ESRRG: variants seen among roughly 807,000 people sequenced by gnomAD.
The protein encoded by ESRRG is estrogen related receptor gamma.
ESRRG carries 13 observed loss-of-function variants against 44.0 expected under a neutral mutation model. The observed-to-expected ratio is 0.30, with a 90% confidence interval of 0.19 to 0.47. The LOEUF is 0.47. Among genes scored for constraint, ESRRG ranks in the 20% least tolerant of loss-of-function variants. The pLI is 1.00. For missense variants in ESRRG, 395 were observed against 580.6 expected, an observed-to-expected ratio of 0.68 and a Z score of 3.29; for synonymous variants, 215 against 214.6, an observed-to-expected ratio of 1.00 and a Z score of -0.02.
rs976344775 is a variant in ESRRG at position 216,747,748 on chromosome 1, A to G, written c.-13-70257T>C. Among the ~76,000 whole-genome samples, 22 of 152,322 alleles carry G rather than the reference A, an allele frequency of 1.4e-4. No individual in the cohort carries two copies. In the East Asian group the frequency reaches 4.1e-3, roughly 28 times the overall value. ...CAGCCTACCAACTTTACTGTGAGAAAAAAGGACTAATTTATACAAAGTCTA... is the reference window on the plus strand; with the variant it reads ...CAGCCTACCAACTTTACTGTGAGAAGAAAGGACTAATTTATACAAAGTCTA... On this transcript the variant is annotated intron_variant, in intron 2 of 7. Coordinates refer to the ESRRG transcript ENST00000359162.
At chr1:216,605,472 A>G (rs2059807172) in intron 3 of ESRRG, among the ~76,000 whole-genome samples, 1 of 152,212 alleles carries the variant, frequency 6.6e-6, no homozygotes, top group African/African-American at 2.4e-5. Flanking sequence ...GGGTATGAGA[A>G]TGTCTCTCAG....
At chr1:216,817,975 A>AT (rs2095192430) in intron 2 of ESRRG, among the ~76,000 whole-genome samples, 2 of 152,164 alleles carry the variant, frequency 1.3e-5, no homozygotes, top group Admixed American at 1.3e-4. Flanking sequence ...CGGGATTTAA[A>AT]TAAGTTGTCT....
chr1:216,874,988 G>C lies in ESRRG; in HGVS notation c.-14+64594C>G, dbSNP rs542446849. Among the ~76,000 whole-genome samples the C allele has an allele frequency of 6.6e-5, 10 of 152,276 alleles. No individual in the cohort carries two copies. In the East Asian group the frequency reaches 1.7e-3, roughly 26 times the overall value. On this transcript the variant is annotated intron_variant, in intron 2 of 7. Transcript: ENST00000359162. ...TTGGGCCTTTGACCACAGAATGAAG[G>C]CTGCACTATCGGTTTCCTTACTTTT...
chr1:216,548,920 G>T (rs189369975), intron 5 of ESRRG, among the ~76,000 whole-genome samples: 1 of 152,226 alleles, frequency 6.6e-6, no homozygotes, highest in Non-Finnish European at 1.5e-5. Flanking sequence ...AAATGAGAGT[G>T]TTTATTAAGT....
chr1:216,900,030 G>C (rs1054350210), intron 2 of ESRRG, among the ~76,000 whole-genome samples: 1 of 152,012 alleles, frequency 6.6e-6, no homozygotes, highest in Non-Finnish European at 1.5e-5. Context: ...TTCATCCCTC[G>C]CTTTTGTAAA....
At chr1:216,865,471 A>AG in intron 2 of ESRRG, among the ~76,000 whole-genome samples, 1 of 152,118 alleles carries the variant, frequency 6.6e-6, no homozygotes, top group Middle Eastern at 3.4e-3. Flanking sequence ...ACATTTACAA[A>AG]GTATGCTGTA....
chr1:216,878,023 A>G (rs2096384724), intron 2 of ESRRG, among the ~76,000 whole-genome samples: 1 of 152,240 alleles, frequency 6.6e-6, no homozygotes, highest in South Asian at 2.1e-4. Context: ...CTGCTGGGTC[A>G]TGCAGTATGC....
intron 2 of ESRRG, among the ~76,000 whole-genome samples, chr1:216,850,717 TCCTGTGA>T (rs1243035582): frequency 1.3e-5 from 2 of 152,040 alleles, no homozygotes; most frequent in East Asian, 3.9e-4. Flanking sequence ...ATTAAACTCT[TCCTGTGA>T]TCTGTAATAA....
intron 6 of ESRRG, among the ~76,000 whole-genome samples, chr1:216,518,198 C>T (rs2044976660): frequency 6.6e-6 from 1 of 152,008 alleles, no homozygotes; most frequent in Admixed American, 6.6e-5. Flanking sequence ...TCACATATGG[C>T]CCCAGAAAAC....
intron 2 of ESRRG, among the ~76,000 whole-genome samples, chr1:216,909,132 T>C (rs1264568194): frequency 1.3e-5 from 2 of 152,188 alleles, no homozygotes; most frequent in Non-Finnish European, 2.9e-5. Flanking sequence ...TGAGACCCAA[T>C]GGTGTGACTT....
At chr1:216,792,151 C>T (rs984220199) in intron 2 of ESRRG, among the ~76,000 whole-genome samples, 1 of 152,094 alleles carries the variant, frequency 6.6e-6, no homozygotes, top group Non-Finnish European at 1.5e-5. Flanking sequence ...AAGGACCTAC[C>T]TAAGTGCATA....
chr1:216,767,976 C>T (rs559268254), intron 2 of ESRRG, among the ~76,000 whole-genome samples: 12 of 152,186 alleles, frequency 7.9e-5, no homozygotes, highest in African/African-American at 2.4e-4. Context: ...TCAACAAATT[C>T]TTTGCACCTA....
intron 2 of ESRRG, among the ~76,000 whole-genome samples, chr1:216,849,301 T>C (rs2095806103): frequency 6.6e-6 from 1 of 152,124 alleles, no homozygotes; most frequent in Non-Finnish European, 1.5e-5. Flanking sequence ...TTAGTACTTA[T>C]CTTAATCTTA....
At chr1:216,968,200 C>T (rs1477689165) in intron 1 of ESRRG, among the ~76,000 whole-genome samples, 1 of 152,004 alleles carries the variant, frequency 6.6e-6, no homozygotes, top group Admixed American at 6.6e-5. Context: ...TTTTCTCATT[C>T]CCTTGACAGT....
chr1:216,922,040 C>T (rs1365373384), intron 2 of ESRRG, among the ~76,000 whole-genome samples: 2 of 152,150 alleles, frequency 1.3e-5, no homozygotes, highest in Admixed American at 1.3e-4. Flanking sequence ...GGGATAACAC[C>T]GCGGTTACCA....
chr1:216,861,754 G>T (rs74141688), intron 2 of ESRRG, among the ~76,000 whole-genome samples: 1 of 151,926 alleles, frequency 6.6e-6, no homozygotes, highest in African/African-American at 2.4e-5. Context: ...AGAAGGAAAA[G>T]ACAAGCCAAC....
At chr1:217,063,854 CTT>C (rs996531628) in intron 1 of ESRRG, among the ~76,000 whole-genome samples, 4 of 152,014 alleles carry the variant, frequency 2.6e-5, no homozygotes, top group African/African-American at 9.7e-5. Flanking sequence ...GTGATTCAAA[CTT>C]TGTGGTTCTC....
chr1:216,920,411 TGTGTGTGTGC>T (rs201160069), intron 2 of ESRRG, among the ~76,000 whole-genome samples: 9,652 of 137,338 alleles, frequency 0.07, 353 homozygotes, highest in South Asian at 0.13. Context: ...TGTGTGTGTG[TGTGTGTGTGC>T]GCATATTTTT....
chr1:216,779,213 ATATATT>A lies in ESRRG; in HGVS notation c.-13-101728_-13-101723del, dbSNP rs1367096794. ...TATATTTATATTTATAAATATAAAT[ATATATT>A]TATATTTATAAATATAAATATATAT... On this transcript the variant is annotated intron_variant, in intron 2 of 7. Coordinates refer to the ESRRG transcript ENST00000359162. Among the ~76,000 whole-genome samples the A allele has an allele frequency of 3.3e-4, 22 of 66,670 alleles. 1 individual carries two copies. Among genetic ancestry groups the A allele is most frequent in the African/African-American group, 1.3e-3 (19 of 15,052 alleles). 43.7% of individuals were successfully genotyped at this position (66,670 alleles called of 152,430 possible).
Sources: gnomAD v4.1 joint callset for allele counts (sites outside exome capture counted in the v4.1 genomes callset) on GRCh38, gnomAD v4.1.1 for gene constraint, MANE v1.5 for transcripts, NCBI Gene and HGNC (gene_info 2026-07-23, HGNC 2026-07-21) for gene names.